SLC8A1: variants seen among roughly 807,000 people sequenced by gnomAD.
SLC8A1 encodes the protein sodium/calcium exchanger 1.
Under a neutral mutation model 68.3 loss-of-function variants are expected in SLC8A1, and 18 were observed. The ratio of observed to expected loss-of-function variants is 0.26; its 90% confidence interval spans 0.18 to 0.39. The LOEUF (loss-of-function observed/expected upper bound fraction) is 0.39, where lower values mean the gene tolerates loss of function less well. SLC8A1 is among the 10% of genes least tolerant of loss of function. SLC8A1 has a pLI of 1.00. For synonymous variants in SLC8A1, 475 were observed against 415.5 expected (o/e 1.14, Z -1.74); for missense variants, 985 against 1,156.7 (o/e 0.85, Z 2.15).
intron 2 of SLC8A1, among the ~76,000 whole-genome samples, chr2:40,337,509 A>T (rs891147125): frequency 6.6e-6 from 1 of 152,128 alleles, no homozygotes; most frequent in Non-Finnish European, 1.5e-5. Context: ...TCCATAGCGC[A>T]CTCAGCAATG....
chr2:40,159,858 C>T (rs771114567), intron 6 of SLC8A1, among the ~76,000 whole-genome samples: 49 of 152,292 alleles, frequency 3.2e-4, no homozygotes, highest in Non-Finnish European at 4.3e-4. Context: ...TACCCTGTGG[C>T]AGACTGGAAA....
At chr2:40,483,517 A>G (rs1466879191) in intron 1 of SLC8A1, among the ~76,000 whole-genome samples, 2 of 152,190 alleles carry the variant, frequency 1.3e-5, no homozygotes, top group African/African-American at 2.4e-5. Context: ...TACAGTCAAC[A>G]AAGCCAAAAC....
At chr2:40,295,680 A>C (rs905375164) in intron 2 of SLC8A1, among the ~76,000 whole-genome samples, 4 of 152,166 alleles carry the variant, frequency 2.6e-5, no homozygotes, top group Non-Finnish European at 5.9e-5. Context: ...TGAATCATGA[A>C]GTATTGACGC....
At chr2:40,172,096 G>A (rs763295003) in intron 4 of SLC8A1, among the ~76,000 whole-genome samples, 5 of 152,242 alleles carry the variant, frequency 3.3e-5, no homozygotes, top group Non-Finnish European at 7.3e-5. Context: ...TACTGCCCCT[G>A]CATCTCAAAG....
chr2:40,266,635 A>G (rs2065389410), intron 2 of SLC8A1, among the ~76,000 whole-genome samples: 1 of 152,176 alleles, frequency 6.6e-6, no homozygotes, highest in Admixed American at 6.5e-5. Context: ...AGAGAGCCAG[A>G]CTAGTCAGTT....
intron 2 of SLC8A1, among the ~76,000 whole-genome samples, chr2:40,422,461 G>T (rs1434822676): frequency 2.0e-5 from 3 of 152,122 alleles, no homozygotes; most frequent in African/African-American, 7.2e-5. Flanking sequence ...CCTCAAGGTT[G>T]CTCTACTCAA....
At chr2:40,258,945 G>GA (rs2064319338) in intron 2 of SLC8A1, among the ~76,000 whole-genome samples, 1 of 150,852 alleles carries the variant, frequency 6.6e-6, no homozygotes, top group African/African-American at 2.4e-5. Flanking sequence ...AAAAAAAAAG[G>GA]AAATACTTTT....
At chr2:40,404,920 C>T (rs1020558784) in intron 2 of SLC8A1, among the ~76,000 whole-genome samples, 1 of 152,108 alleles carries the variant, frequency 6.6e-6, no homozygotes, top group Admixed American at 6.6e-5. Flanking sequence ...CTTTTCAAAG[C>T]CCATGAAAGC....
chr2:40,376,084 T>C lies in SLC8A1; in HGVS notation c.1808+52389A>G, dbSNP rs1679772359. Among the ~76,000 whole-genome samples, 3 of 152,100 alleles carry C rather than the reference T, an allele frequency of 2.0e-5. No homozygotes were observed. The South Asian group carries it at 6.2e-4, about 31-fold the overall frequency. Reference sequence around the variant, plus strand: ...ATATTTAGAATGCTGAATGAAGAGGTAGACTCTCAAACCTAAAATTTTCTT... The same window carrying C: ...ATATTTAGAATGCTGAATGAAGAGGCAGACTCTCAAACCTAAAATTTTCTT... On this transcript the variant is annotated intron_variant, in intron 2 of 7. Transcript: ENST00000406785.
upstream of SLC8A1, chr2:40,453,415 A>C (rs1432667475): frequency 6.6e-6 from 1 of 152,114 alleles, no homozygotes; most frequent in East Asian, 1.9e-4. Flanking sequence ...TTACAGTGCA[A>C]CCAGGGCAGT....
At chr2:40,253,879 G>C (rs1232767874) in intron 2 of SLC8A1, among the ~76,000 whole-genome samples, 1 of 143,456 alleles carries the variant, frequency 7.0e-6, no homozygotes, top group Non-Finnish European at 1.5e-5. Context: ...CAGCAGGAGT[G>C]GGGGATAAAG....
At chr2:40,160,913 C>T in intron 5 of SLC8A1, 49 bp from the exon 9 acceptor site, 1 of 1,358,726 alleles carries the variant, frequency 7.4e-7, no homozygotes, top group Non-Finnish European at 1.1e-6. Flanking sequence ...GCTAAGGCCT[C>T]AGGAAATCCA....
Position 40,402,657 on chromosome 2 carries a change from C to T in SLC8A1, c.1808+25816G>A, listed in dbSNP as rs79229458. Reference sequence around the variant, plus strand: ...ATTTTCTGTCATGGCCTGGATTAATCGCCACATTTTCCCTAATTATGGCCA... The same window carrying T: ...ATTTTCTGTCATGGCCTGGATTAATTGCCACATTTTCCCTAATTATGGCCA... On this transcript the variant is annotated intron_variant, in intron 2 of 7. Transcript: ENST00000406785. 6.1e-3 allele frequency among the ~76,000 whole-genome samples: 932 copies of T among 152,218 alleles called. 11 individuals carry two copies. Among genetic ancestry groups the T allele is most frequent in the Non-Finnish European group, 9.7e-3 (659 of 68,004 alleles).
At chr2:40,296,996 C>A (rs898963235) in intron 2 of SLC8A1, among the ~76,000 whole-genome samples, 3 of 152,038 alleles carry the variant, frequency 2.0e-5, no homozygotes, top group Admixed American at 2.0e-4. Flanking sequence ...CCTCCTTGAC[C>A]TCATATTTCT....
chr2:40,195,421 G>A (rs532330011), intron 2 of SLC8A1, among the ~76,000 whole-genome samples: 3 of 151,896 alleles, frequency 2.0e-5, no homozygotes. Context: ...ACGGTGGAGT[G>A]GGGCTGAGAA....
intron 2 of SLC8A1, among the ~76,000 whole-genome samples, chr2:40,285,693 T>C (rs1305416702): frequency 3.3e-5 from 5 of 152,176 alleles, no homozygotes; most frequent in African/African-American, 4.8e-5. Context: ...ATTTTGCTCA[T>C]ATAAGGTAGG....
chr2:40,429,608 T>C (rs752629190), exon 2 of SLC8A1: 6 of 1,613,694 alleles, frequency 3.7e-6, no homozygotes, highest in Admixed American at 1.7e-5. Flanking sequence ...CCAGGAGATA[T>C]GACAGACAAA....
chr2:40,264,342 G>A (rs1388858224), intron 2 of SLC8A1, among the ~76,000 whole-genome samples: 244 of 152,136 alleles, frequency 1.6e-3, no homozygotes, highest in Non-Finnish European at 2.2e-3. Flanking sequence ...CAGCCATCCC[G>A]TTACTGGGTA....
exon 8 of SLC8A1, chr2:40,097,615 A>C (rs192728491): frequency 3.9e-4 from 59 of 152,128 alleles, no homozygotes; most frequent in East Asian, 5.8e-4. Context: ...ACCTTGCAAC[A>C]AGCTTCCAGT....
Sources: allele counts gnomAD v4.1 joint callset (sites outside exome capture counted in the v4.1 genomes callset), GRCh38; gene constraint gnomAD v4.1.1; transcripts MANE v1.5; gene names NCBI Gene and HGNC (gene_info 2026-07-23, HGNC 2026-07-21).